The following MYO3B variants were observed in gnomAD, a reference collection of about 807,000 sequenced individuals.
The protein encoded by MYO3B is myosin-IIIb.
Under a neutral mutation model 174.6 loss-of-function variants are expected in MYO3B, and 156 were observed. The observed-to-expected ratio is 0.89, with a 90% CI of 0.78 to 1.02. The LOEUF (loss-of-function observed/expected upper bound fraction) is 1.02. Ranked by LOEUF, MYO3B falls within the 50% of genes least tolerant of loss-of-function variation. The probability of loss-of-function intolerance (pLI) is 0.00; values close to 1 mark genes in which losing one functional copy is unlikely to be tolerated. For missense variants in MYO3B, 1,632 were observed against 1,639.4 expected, an observed-to-expected ratio of 1.00 and a Z score of 0.08; for synonymous variants, 563 against 569.1, an observed-to-expected ratio of 0.99 and a Z score of 0.15.
chr2:170,414,063 C>G (rs568063503), intron 22 of MYO3B, among the ~76,000 whole-genome samples: 1 of 152,094 alleles, frequency 6.6e-6, no homozygotes, highest in Non-Finnish European at 1.5e-5. Flanking sequence ...AATAAAATAA[C>G]TATCCTTTCT....
intron 32 of MYO3B, among the ~76,000 whole-genome samples, chr2:170,565,242 C>G (rs10170200): frequency 0.17 from 26,199 of 152,090 alleles, 3,173 homozygotes; most frequent in African/African-American, 0.33. Context: ...AGGAAACAGC[C>G]TTTTTGTAGA....
chr2:170,204,503 G>A lies in MYO3B; in HGVS notation c.321+4219G>A, dbSNP rs113208061. On this transcript the variant is annotated intron_variant, in intron 3 of 34. Coordinates refer to ENST00000408978, the MANE Select transcript of MYO3B (RefSeq NM_138995.5). ...GAAAGTTGATGGCTTATTGAGCAAGGAACATTTTATTGCTTGAAATGATGA... is the reference window on the plus strand; with the variant it reads ...GAAAGTTGATGGCTTATTGAGCAAGAAACATTTTATTGCTTGAAATGATGA... Among the ~76,000 whole-genome samples, 23 of 152,322 alleles carry A rather than the reference G, an allele frequency of 1.5e-4. 1 individual carries two copies. In the Middle Eastern group the frequency reaches 0.01, roughly 68 times the overall value.
chr2:170,245,360 G>A (rs1476557486), intron 7 of MYO3B, among the ~76,000 whole-genome samples: 2 of 152,140 alleles, frequency 1.3e-5, no homozygotes, highest in South Asian at 2.1e-4. Flanking sequence ...GCCCAATGGG[G>A]GGATCAAACA....
chr2:170,381,155 A>G (rs2094332408), intron 9 of MYO3B, among the ~76,000 whole-genome samples: 1 of 151,936 alleles, frequency 6.6e-6, no homozygotes, highest in South Asian at 2.1e-4. Flanking sequence ...AATTTTAAAA[A>G]CAACAACCCC....
At position 170,559,138 on chromosome 2, in the gene MYO3B, G is replaced by A. The variant is rs1575164287; in HGVS notation, c.3733+15150G>A. Among the ~76,000 whole-genome samples the A allele has an allele frequency of 2.0e-5, 3 of 152,306 alleles. No individual in the cohort carries two copies. In the South Asian group the frequency reaches 6.2e-4, roughly 32 times the overall value. ...CTCTCATTTTATAGATGAAAAGACT[G>A]CATATTAGTTGGCCAACCCAGAGCT... On this transcript the variant is annotated intron_variant, in intron 32 of 34. Coordinates refer to ENST00000408978, the MANE Select transcript of MYO3B (RefSeq NM_138995.5).
At chr2:170,239,899 G>A (rs2093111617) in intron 7 of MYO3B, among the ~76,000 whole-genome samples, 1 of 152,124 alleles carries the variant, frequency 6.6e-6, no homozygotes, top group South Asian at 2.1e-4. Flanking sequence ...CCACATCAGC[G>A]GGTCAGCAGG....
chr2:170,429,425 C>T (rs1323235532), intron 22 of MYO3B, among the ~76,000 whole-genome samples: 1 of 152,166 alleles, frequency 6.6e-6, no homozygotes, highest in Non-Finnish European at 1.5e-5. Flanking sequence ...GCTTTTGTTC[C>T]CAGTCCCACC....
At chr2:170,618,637 T>A (rs1187858077) in intron 32 of MYO3B, among the ~76,000 whole-genome samples, 5 of 152,148 alleles carry the variant, frequency 3.3e-5, no homozygotes, top group Admixed American at 3.3e-4. Context: ...TAGTGAAAGC[T>A]GGGTCCAGGG....
chr2:170,555,697 C>A (rs1264195417), intron 32 of MYO3B, among the ~76,000 whole-genome samples: 1 of 151,882 alleles, frequency 6.6e-6, no homozygotes, highest in Non-Finnish European at 1.5e-5. Context: ...CACAGCAACA[C>A]CCTGTCTCTA....
intron 22 of MYO3B, among the ~76,000 whole-genome samples, chr2:170,434,257 A>G (rs1272263823): frequency 6.6e-6 from 1 of 152,134 alleles, no homozygotes; most frequent in Admixed American, 6.6e-5. Flanking sequence ...TGGTGTGATC[A>G]TGGCTCACTG....
intron 7 of MYO3B, among the ~76,000 whole-genome samples, chr2:170,251,928 A>T (rs2093257704): frequency 6.6e-6 from 1 of 152,138 alleles, no homozygotes; most frequent in Admixed American, 6.5e-5. Context: ...CTAGTTAGAG[A>T]GATGGTTAGT....
chr2:170,608,681 G>GAC (rs1553537441), intron 32 of MYO3B, among the ~76,000 whole-genome samples: 2 of 151,926 alleles, frequency 1.3e-5, no homozygotes, highest in South Asian at 2.1e-4. Context: ...GAGAGAGAGA[G>GAC]AGACAGACAG....
At chr2:170,623,982 A>T (rs1450908612) in intron 32 of MYO3B, among the ~76,000 whole-genome samples, 2 of 152,146 alleles carry the variant, frequency 1.3e-5, no homozygotes, top group African/African-American at 2.4e-5. Context: ...GTAGCCTCGT[A>T]GTATAGTTTG....
chr2:170,361,708 C>G (rs747311582), intron 8 of MYO3B, among the ~76,000 whole-genome samples: 1 of 152,232 alleles, frequency 6.6e-6, no homozygotes, highest in African/African-American at 2.4e-5. Context: ...TGGCTCTGGC[C>G]TGGTTCACTT....
chr2:170,596,159 A>G (rs145935776), intron 32 of MYO3B, among the ~76,000 whole-genome samples: 52 of 152,348 alleles, frequency 3.4e-4, no homozygotes, highest in African/African-American at 1.2e-3. Context: ...AGTCAATGTT[A>G]CCACACAGAG....
At chr2:170,379,712 TTAA>T (rs1158105576) in intron 9 of MYO3B, among the ~76,000 whole-genome samples, 1 of 152,158 alleles carries the variant, frequency 6.6e-6, no homozygotes, top group Non-Finnish European at 1.5e-5. Context: ...ATAATTCTGT[TTAA>T]TAATTTTAAA....
intron 7 of MYO3B, among the ~76,000 whole-genome samples, chr2:170,248,033 G>A (rs2093211141): frequency 6.6e-6 from 1 of 152,172 alleles, no homozygotes; most frequent in East Asian, 1.9e-4. Context: ...AATTTGGCTT[G>A]CTCTCTGGAT....
intron 9 of MYO3B, among the ~76,000 whole-genome samples, chr2:170,370,359 C>G (rs56220862): frequency 0.013 from 1,926 of 152,254 alleles, 21 homozygotes; most frequent in Middle Eastern, 0.02. Context: ...GGCGTAGTAT[C>G]AAGGTGACTA....
At chr2:170,630,381 A>G (rs1215362441) in intron 32 of MYO3B, among the ~76,000 whole-genome samples, 1 of 152,194 alleles carries the variant, frequency 6.6e-6, no homozygotes, top group Non-Finnish European at 1.5e-5. Flanking sequence ...TTGAGTAGGT[A>G]AACAAAGCTG....
Sources: gnomAD v4.1 joint callset for allele counts (sites outside exome capture counted in the v4.1 genomes callset) on GRCh38, gnomAD v4.1.1 for gene constraint, MANE v1.5 for transcripts, NCBI Gene and HGNC (gene_info 2026-07-23, HGNC 2026-07-21) for gene names.